Variants in LAMA4 observed in about 807,000 individuals in gnomAD.
The protein encoded by LAMA4 is laminin subunit alpha 4.
A neutral mutation model predicts 207.1 loss-of-function variants in LAMA4; 127 were observed. That is an observed-to-expected ratio of 0.61 (90% confidence interval 0.53 to 0.71). The LOEUF (loss-of-function observed/expected upper bound fraction) is 0.71. Among genes scored for constraint, LAMA4 ranks in the 30% least tolerant of loss-of-function variants. The pLI is 0.00. For synonymous variants in LAMA4, 761 were observed against 816.0 expected (o/e 0.93, Z 1.15); for missense variants, 2,093 against 2,246.5 (o/e 0.93, Z 1.38).
chr6:112,155,304 A>AT, intron 15 of LAMA4: 3 of 568,912 alleles, frequency 5.3e-6, no homozygotes, highest in Non-Finnish European at 9.3e-6. Flanking sequence ...TTTTAAATAC[A>AT]TATTTTTTTT....
At position 112,175,876 on chromosome 6, in the gene LAMA4, C is replaced by T. The variant is rs547696237; in HGVS notation, c.1190-396G>A. Reference sequence around the variant, plus strand: ...AGTCTTTGATCAGCCTTTTATATAACATACTTAACTTGGAGAAAATGCTCA... The same window carrying T: ...AGTCTTTGATCAGCCTTTTATATAATATACTTAACTTGGAGAAAATGCTCA... On this transcript the variant is annotated intron_variant, in intron 10 of 38. Coordinates refer to ENST00000230538, the MANE Select transcript of LAMA4 (RefSeq NM_001105206.3). 3.3e-5 allele frequency among the ~76,000 whole-genome samples: 5 copies of T among 152,302 alleles called. No individual in the cohort carries two copies. The East Asian group carries it at 9.6e-4, about 29-fold the overall frequency.
intron 3 of LAMA4, among the ~76,000 whole-genome samples, chr6:112,213,234 G>C (rs1260645879): frequency 6.6e-6 from 1 of 152,216 alleles, no homozygotes; most frequent in Non-Finnish European, 1.5e-5. Context: ...CCATTCTTTA[G>C]ATGGTAACTA....
intron 10 of LAMA4, among the ~76,000 whole-genome samples, chr6:112,175,752 T>C (rs887647339): frequency 2.0e-5 from 3 of 152,258 alleles, no homozygotes; most frequent in African/African-American, 7.2e-5. Context: ...ATGCAAAGCC[T>C]GCTCTGCTCT....
At chr6:112,228,260 T>A (rs1311493670) in intron 2 of LAMA4, among the ~76,000 whole-genome samples, 1 of 152,232 alleles carries the variant, frequency 6.6e-6, no homozygotes, top group Non-Finnish European at 1.5e-5. Flanking sequence ...CAAATGAAGC[T>A]GAACTACGGA....
chr6:112,163,904 C>G (rs530561185), intron 13 of LAMA4: 1 of 152,254 alleles, frequency 6.6e-6, no homozygotes, highest in Non-Finnish European at 1.5e-5. Flanking sequence ...ACCCTGCAAC[C>G]TGTTTTCAAG....
intron 5 of LAMA4, among the ~76,000 whole-genome samples, chr6:112,199,003 C>T (rs1385602820): frequency 6.6e-6 from 1 of 152,150 alleles, no homozygotes; most frequent in African/African-American, 2.4e-5. Context: ...TCACACTCAC[C>T]CAGGCTAATG....
chr6:112,190,270 C>T (rs920415763), intron 6 of LAMA4, among the ~76,000 whole-genome samples: 2 of 152,144 alleles, frequency 1.3e-5, no homozygotes, highest in Non-Finnish European at 2.9e-5. Flanking sequence ...TTCTGCTGTC[C>T]GCCTTCTCTC....
chr6:112,119,299 G>T lies in LAMA4; in HGVS notation c.4678C>A (p.Arg1560=), dbSNP rs150069819. The T allele has an allele frequency of 1.5e-4, 235 of 1,613,788 alleles. No individual in the cohort carries two copies. The African/African-American group carries it at 2.9e-3, about 20-fold the overall frequency. ...ACCAGTCGGCCACTGCTCCTTTCTC[G>T]AATAAATATCACCTGGATGAAGAGA... The part of the protein sequence containing the change: ...DGLWHDVIFI[R]ERSSGRLVID... Residue 1560 remains arginine, a synonymous_variant, in exon 34 of 39, where the codon CGA becomes AGA. Transcript: ENST00000230538.
chr6:112,176,343 C>A (rs879975062), intron 10 of LAMA4, among the ~76,000 whole-genome samples: 22 of 152,198 alleles, frequency 1.4e-4, no homozygotes, highest in African/African-American at 5.1e-4. Flanking sequence ...CAAGAGGAAG[C>A]ATTTTATCTT....
intron 2 of LAMA4, among the ~76,000 whole-genome samples, chr6:112,229,996 CT>C (rs545440200): frequency 1.0e-4 from 15 of 149,376 alleles, no homozygotes; most frequent in South Asian, 6.4e-4. Context: ...ATTCTTTGTC[CT>C]TTTTTTTTTC....
At chr6:112,221,692 T>C (rs1444807593) in intron 2 of LAMA4, among the ~76,000 whole-genome samples, 1 of 152,206 alleles carries the variant, frequency 6.6e-6, no homozygotes, top group African/African-American at 2.4e-5. Context: ...AGATAGAATG[T>C]TATGCTCAGT....
Position 112,118,238 on chromosome 6 carries a change from G to A in LAMA4, c.4822-340C>T, listed in dbSNP as rs1042222168. ...GACAGCTGTGCCAAGATCACCTAAG[G>A]CTGATGAGGGCTAGCAAAGTTCTTT... On this transcript the variant is annotated intron_variant, in intron 34 of 38. Coordinates refer to ENST00000230538, the MANE Select transcript of LAMA4 (RefSeq NM_001105206.3). This position sits in a 1 kb window ranked among gnomAD's most constrained non-coding sequence, Gnocchi z 4.6. Among the ~76,000 whole-genome samples the A allele has an allele frequency of 4.6e-5, 7 of 152,176 alleles. No individual in the cohort carries two copies. Among genetic ancestry groups the A allele is most frequent in the Non-Finnish European group, 1.5e-5 (1 of 68,032 alleles).
At chr6:112,190,944 T>TTTCTTTCTTTCCTTCC (rs1783054736) in intron 6 of LAMA4, among the ~76,000 whole-genome samples, 2 of 41,626 alleles carry the variant, frequency 4.8e-5, no homozygotes, top group African/African-American at 1.9e-4. Context: ...TCTTTCTTTC[T>TTTCTTTCTTTCCTTCC]TTCCTTTCTT....
At chr6:112,147,516 G>C (rs1780102196) in intron 18 of LAMA4, among the ~76,000 whole-genome samples, 1 of 152,172 alleles carries the variant, frequency 6.6e-6, no homozygotes, top group African/African-American at 2.4e-5. Flanking sequence ...TGCTGTTTAA[G>C]AAGTTATGAA....
chr6:112,172,473 CA>C (rs1323635996), intron 12 of LAMA4, 137 bp downstream of exon 12: 3 of 802,238 alleles, frequency 3.7e-6, no homozygotes, highest in African/African-American at 1.7e-5. Flanking sequence ...TTTATAGCAC[CA>C]AAAAACACAC....
intron 10 of LAMA4, among the ~76,000 whole-genome samples, chr6:112,176,672 G>T (rs1782043671): frequency 6.6e-6 from 1 of 152,208 alleles, no homozygotes; most frequent in Non-Finnish European, 1.5e-5. Context: ...CACTTGTGAT[G>T]CTGAATTCTC....
At chr6:112,219,213 G>A (rs982370153) in intron 2 of LAMA4, 10 of 152,210 alleles carry the variant, frequency 6.6e-5, no homozygotes, top group African/African-American at 1.7e-4. Context: ...AAGTATGAAA[G>A]TAGAACGATG....
intron 2 of LAMA4, chr6:112,236,462 C>G (rs554828103): frequency 2.0e-5 from 3 of 152,338 alleles, no homozygotes; most frequent in South Asian, 4.1e-4. Context: ...AGTATCAACA[C>G]TATTTTCTAC....
rs1779575645 is a variant in LAMA4, at chr6:112,139,758, CATGGCACTG to C, written c.3095_3103del (p.Ser1032_Pro1034del). ...ACTCTTAACTGTCTCTTACCGGGCA[CATGGCACTG>C]ATGTGGAGGGGTCCATATTATAGAT... On this transcript the variant is annotated inframe_deletion, in exon 23 of 39. Transcript: ENST00000230538. 16 of 1,614,034 alleles carry C rather than the reference CATGGCACTG, an allele frequency of 9.9e-6. No individual in the cohort carries two copies. The highest frequency in any genetic ancestry group is 1.4e-5 in the Non-Finnish European group (16 of 1,179,898).
Sources: allele counts gnomAD v4.1 joint callset (sites outside exome capture counted in the v4.1 genomes callset), GRCh38; gene constraint gnomAD v4.1.1; non-coding constraint Gnocchi (gnomAD v3.1); transcripts MANE v1.5; gene names NCBI Gene and HGNC (gene_info 2026-07-23, HGNC 2026-07-21).